The following MAGEC3 variants were observed in gnomAD, a reference collection of about 807,000 sequenced individuals.
MAGEC3 encodes the protein MAGE family member C3, also known as melanoma-associated antigen C3.
In MAGEC3, 34 loss-of-function variants were observed where a neutral mutation model predicts 35.3. That is an observed-to-expected ratio of 0.96 (90% CI 0.73 to 1.28). MAGEC3 has a LOEUF of 1.28. MAGEC3 is among the 50% of genes most tolerant of loss of function. MAGEC3 has a pLI of 0.00. For synonymous variants in MAGEC3, 202 were observed against 185.6 expected (o/e 1.09, Z -0.72); for missense variants, 561 against 483.6 (o/e 1.16, Z -1.50).
intron 4 of MAGEC3, among the ~76,000 whole-genome samples, chrX:141,895,059 CG>C (rs1439304053): frequency 2.6e-5 from 1 of 38,585 alleles, no homozygotes; most frequent in African/African-American, 9.9e-5. Flanking sequence ...TGGGAAGGGG[CG>C]GGGAGGTGGG....
chrX:141,894,867 A>C (rs1602633106), intron 4 of MAGEC3: 7 of 397,112 alleles, frequency 1.8e-5, no homozygotes, highest in Admixed American at 5.7e-5. Flanking sequence ...AACAGGTGGG[A>C]GTGGGGAGGT....
intron 2 of MAGEC3, among the ~76,000 whole-genome samples, chrX:141,871,130 A>G (rs6636501): frequency 0.06 from 6,662 of 111,682 alleles, 252 homozygotes; most frequent in East Asian, 0.31. Flanking sequence ...TGCACACATA[A>G]CACATATATA....
chrX:141,896,829 A>G lies in MAGEC3; in HGVS notation c.1124-53A>G. 1.7e-6 allele frequency: 2 copies of G among 1,204,078 alleles called. 1 individual carries two copies. The highest frequency in any genetic ancestry group is 5.9e-5 in the East Asian group (2 of 33,678). On this transcript the variant is annotated intron_variant, in intron 6 of 7. Coordinates refer to ENST00000298296, the MANE Select transcript of MAGEC3 (RefSeq NM_138702.1). ...TCCCCTCCTCCTCTTCCTTGTCCTCATCCTCACCCTTGTCCTCACCCTTAC... is the reference window on the plus strand; with the variant it reads ...TCCCCTCCTCCTCTTCCTTGTCCTCGTCCTCACCCTTGTCCTCACCCTTAC...
intron 2 of MAGEC3, among the ~76,000 whole-genome samples, chrX:141,875,012 A>G (rs2124110270): frequency 8.9e-6 from 1 of 111,742 alleles, no homozygotes; most frequent in East Asian, 2.8e-4. Flanking sequence ...CATTATAGTG[A>G]ACGCTGATCT....
chrX:141,876,425 G>C (rs780342226), intron 2 of MAGEC3, among the ~76,000 whole-genome samples: 12 of 111,620 alleles, frequency 1.1e-4, no homozygotes, highest in Non-Finnish European at 2.3e-4. Context: ...AAGCAGTCAG[G>C]CCTTTTATGG....
Position 141,879,478 on chromosome X carries a change from G to A in MAGEC3, c.515+47G>A, listed in dbSNP as rs1364596552. Reference sequence around the variant, plus strand: ...AGGGCTTTGAAGTGAGGAGGAAAAGGTGGAGGGATACCGAGAGGTGGGCAG... The same window carrying A: ...AGGGCTTTGAAGTGAGGAGGAAAAGATGGAGGGATACCGAGAGGTGGGCAG... On this transcript the variant is annotated intron_variant, in intron 3 of 7. Transcript: ENST00000298296. 1.3e-5 allele frequency: 15 copies of A among 1,125,152 alleles called. No individual in the cohort carries two copies. In the Admixed American group the frequency reaches 3.9e-4, roughly 29 times the overall value. The allele number at this position is 1,125,152 out of a possible 1,213,427, so 92.7% of individuals were successfully genotyped here.
At chrX:141,851,910 A>G (rs1299395455) in intron 1 of MAGEC3, among the ~76,000 whole-genome samples, 2 of 110,944 alleles carry the variant, frequency 1.8e-5, no homozygotes, top group African/African-American at 6.5e-5. Flanking sequence ...TAAGATTGTC[A>G]TGGGTATTCT....
chrX:141,842,685 A>T (rs1276048085), intron 1 of MAGEC3, among the ~76,000 whole-genome samples: 2 of 111,606 alleles, frequency 1.8e-5, no homozygotes, highest in Non-Finnish European at 3.8e-5. Flanking sequence ...GGAAATATAA[A>T]TAAAGACTTA....
At chrX:141,871,871 G>A (rs2017890071) in intron 2 of MAGEC3, among the ~76,000 whole-genome samples, 2 of 109,293 alleles carry the variant, frequency 1.8e-5, no homozygotes, top group African/African-American at 6.7e-5. Context: ...AGTAGGAGGG[G>A]CAAGGTTAGG....
intron 1 of MAGEC3, among the ~76,000 whole-genome samples, chrX:141,850,807 C>T (rs991752005): frequency 1.9e-4 from 21 of 111,109 alleles, no homozygotes; most frequent in Admixed American, 3.8e-4. Context: ...TAAGAGAATA[C>T]TATGAAAATT....
chrX:141,869,325 T>G (rs2017872596), intron 2 of MAGEC3, among the ~76,000 whole-genome samples: 1 of 112,078 alleles, frequency 8.9e-6, no homozygotes, highest in African/African-American at 3.2e-5. Context: ...TGTTGTAATG[T>G]AAGAATACTT....
At chrX:141,897,539 C>G (rs755807028) in intron 7 of MAGEC3, 53 bp downstream of exon 7, 1 of 1,196,340 alleles carries the variant, frequency 8.4e-7, no homozygotes, top group East Asian at 3.0e-5. Flanking sequence ...AAGCTGCTCA[C>G]TATACATTGG....
chrX:141,881,271 C>T, intron 3 of MAGEC3, 132 bp from the exon 4 acceptor site: 3 of 741,087 alleles, frequency 4.0e-6, no homozygotes, highest in Non-Finnish European at 5.9e-6. Context: ...TGCCTCTTCC[C>T]CAGAATCCTC....
At chrX:141,873,476 C>T (rs1214304936) in intron 2 of MAGEC3, among the ~76,000 whole-genome samples, 3 of 111,451 alleles carry the variant, frequency 2.7e-5, no homozygotes, top group Non-Finnish European at 1.9e-5. Context: ...ACTGTCTGCT[C>T]TTTCTGGCTG....
At chrX:141,879,591 G>A (rs1038277130) in intron 3 of MAGEC3, among the ~76,000 whole-genome samples, 160 bp downstream of exon 3, 2 of 110,140 alleles carry the variant, frequency 1.8e-5, no homozygotes, top group African/African-American at 6.6e-5. Context: ...AGGGCCGGGA[G>A]GTGGTCAGGA....
intron 4 of MAGEC3, chrX:141,894,746 C>T: frequency 1.0e-6 from 1 of 969,291 alleles, no homozygotes. Flanking sequence ...GAGGGAAGGC[C>T]CAGGCGTCGC....
intron 4 of MAGEC3, among the ~76,000 whole-genome samples, chrX:141,882,732 TAGTGGGGATAC>T (rs2017975736): frequency 8.9e-6 from 1 of 112,106 alleles, no homozygotes; most frequent in South Asian, 3.7e-4. Flanking sequence ...GGACTCTTAA[TAGTGGGGATAC>T]AGTGAAAAGC....
chrX:141,877,101 G>T (rs2868576), intron 2 of MAGEC3, among the ~76,000 whole-genome samples: 1 of 111,462 alleles, frequency 9.0e-6, no homozygotes, highest in Non-Finnish European at 1.9e-5. Flanking sequence ...TAGGATTGCA[G>T]TCGATCTGTA....
At chrX:141,839,021 C>T in intron 1 of MAGEC3, 1 of 205,651 alleles carries the variant, frequency 4.9e-6, no homozygotes, top group Non-Finnish European at 7.2e-6. Flanking sequence ...CTCCTGGCAG[C>T]TTTCTATGTT....
Sources: gnomAD v4.1 joint callset for allele counts (sites outside exome capture counted in the v4.1 genomes callset) on GRCh38, gnomAD v4.1.1 for gene constraint, MANE v1.5 for transcripts, NCBI Gene and HGNC (gene_info 2026-07-23, HGNC 2026-07-21) for gene names.